WDFY4: variants seen among roughly 807,000 people sequenced by gnomAD.
WDFY4 encodes the protein WDFY family member 4.
Under a neutral mutation model 351.9 loss-of-function variants are expected in WDFY4, and 169 were observed. The observed-to-expected ratio is 0.48, with a 90% CI of 0.42 to 0.55. The LOEUF (loss-of-function observed/expected upper bound fraction) is 0.55, where lower values mean the gene tolerates loss of function less well. Among genes scored for constraint, WDFY4 ranks in the 20% least tolerant of loss-of-function variants. The pLI is 0.00. For missense variants in WDFY4, 3,803 were observed against 3,935.6 expected (o/e 0.97, Z 0.90); for synonymous variants, 1,622 against 1,574.6 (o/e 1.03, Z -0.71).
chr10:48,855,722 G>A (rs1377081710), intron 39 of WDFY4, among the ~76,000 whole-genome samples: 1 of 152,192 alleles, frequency 6.6e-6, no homozygotes, highest in African/African-American at 2.4e-5. Context: ...AATGAGTACA[G>A]TAGTCCCCTC....
chr10:48,960,591 A>G (rs528352551), intron 53 of WDFY4, among the ~76,000 whole-genome samples: 34 of 152,250 alleles, frequency 2.2e-4, no homozygotes, highest in Admixed American at 3.9e-4. Flanking sequence ...GAAAATTGAA[A>G]GCATGTCCAC....
chr10:48,858,903 A>G lies in WDFY4; in HGVS notation c.6664-8362A>G, dbSNP rs540894707. Among the ~76,000 whole-genome samples, 39 of 152,172 alleles carry G rather than the reference A, an allele frequency of 2.6e-4. 1 individual carries two copies. Among genetic ancestry groups the G allele is most frequent in the Non-Finnish European group, 4.3e-4 (29 of 68,004 alleles). ...TCATCTGCATTTCATAGTTTTCAAC[A>G]TATGCATCCTATATGTGTTTTATTA... On this transcript the variant is annotated intron_variant, in intron 39 of 61. Transcript: ENST00000325239.
chr10:48,889,819 A>G (rs1317298242), intron 43 of WDFY4, among the ~76,000 whole-genome samples: 1 of 152,242 alleles, frequency 6.6e-6, no homozygotes, highest in East Asian at 1.9e-4. Flanking sequence ...CAAAGACTTC[A>G]GCTGATTCCA....
chr10:48,796,739 A>C (rs962534660), intron 24 of WDFY4, among the ~76,000 whole-genome samples: 1 of 152,210 alleles, frequency 6.6e-6, no homozygotes, highest in African/African-American at 2.4e-5. Context: ...TAAGCCAGAT[A>C]GTATCTGGGA....
At chr10:48,947,138 C>G (rs1371638081) in intron 51 of WDFY4, among the ~76,000 whole-genome samples, 169 bp downstream of exon 51, 1 of 152,162 alleles carries the variant, frequency 6.6e-6, no homozygotes, top group Non-Finnish European at 1.5e-5. Context: ...TCTGGCTCAC[C>G]AGCCAAGGCA....
chr10:48,713,456 G>A (rs546336712), intron 2 of WDFY4, among the ~76,000 whole-genome samples: 3 of 152,204 alleles, frequency 2.0e-5, no homozygotes, highest in Non-Finnish European at 4.4e-5. Context: ...TGCAGTAACT[G>A]CTAGGCAAGT....
At chr10:48,978,447 C>T in intron 60 of WDFY4, 54 bp downstream of exon 60, 3 of 1,469,618 alleles carry the variant, frequency 2.0e-6, no homozygotes, top group Non-Finnish European at 2.7e-6. Context: ...CCCTCCTCAC[C>T]TCCCCTCTCT....
At chr10:48,917,569 G>A (rs1194985029) in intron 47 of WDFY4, among the ~76,000 whole-genome samples, 1 of 152,210 alleles carries the variant, frequency 6.6e-6, no homozygotes, top group African/African-American at 2.4e-5. Context: ...GAAACCACAG[G>A]GGCCAGAGGT....
chr10:48,695,867 A>G (rs141692439), intron 1 of WDFY4, among the ~76,000 whole-genome samples: 1 of 152,278 alleles, frequency 6.6e-6, no homozygotes, highest in East Asian at 1.9e-4. Context: ...ATACCGAGAT[A>G]CAGAACCAGC....
chr10:48,848,270 T>C (rs1255549527), intron 39 of WDFY4, among the ~76,000 whole-genome samples: 2 of 152,220 alleles, frequency 1.3e-5, no homozygotes, highest in Non-Finnish European at 2.9e-5. Flanking sequence ...AGGGACAGCA[T>C]TTCATCTCCT....
intron 43 of WDFY4, among the ~76,000 whole-genome samples, chr10:48,886,012 G>T (rs758445884): frequency 4.6e-5 from 7 of 152,140 alleles, no homozygotes; most frequent in Admixed American, 3.9e-4. Context: ...CAAGGTTGAG[G>T]CAAGCAGAGA....
chr10:48,959,647 A>G, intron 52 of WDFY4, 75 bp from the exon 53 acceptor site: 2 of 1,318,884 alleles, frequency 1.5e-6, no homozygotes, highest in South Asian at 2.5e-5. Context: ...ATCCTGGGCA[A>G]TGTGTATTTT....
intron 1 of WDFY4, among the ~76,000 whole-genome samples, chr10:48,685,511 G>C (rs547486574): frequency 6.6e-6 from 1 of 152,206 alleles, no homozygotes; most frequent in Non-Finnish European, 1.5e-5. Context: ...TCCCGGCCCT[G>C]TCATTACTCC....
rs1347175943 is a variant in WDFY4, at chr10:48,709,744, A to G, written c.12A>G (p.Glu4=). Reference sequence around the variant, plus strand: ...TGCTTTGCCACGGCATGGAGGCAGAAGATCTTTCAAAGGCTGAAGACAGAA... The same window carrying G: ...TGCTTTGCCACGGCATGGAGGCAGAGGATCTTTCAAAGGCTGAAGACAGAA... The part of the protein sequence containing the change: MEA[E]DLSKAEDRNE... Residue 4 remains glutamate, a synonymous_variant, in exon 2 of 62, where the codon GAA becomes GAG. Transcript: ENST00000325239. The G allele has an allele frequency of 7.7e-6, 12 of 1,551,956 alleles. No homozygotes were observed. The highest frequency in any genetic ancestry group is 1.7e-4 in the Middle Eastern group (1 of 6,018).
chr10:48,832,819 CT>C, intron 39 of WDFY4, 110 bp downstream of exon 39: 2 of 1,351,476 alleles, frequency 1.5e-6, no homozygotes, highest in Non-Finnish European at 1.9e-6. Flanking sequence ...ACTCCACGTC[CT>C]TGTGAGCATT....
rs1841038312 is a variant in WDFY4, at chr10:48,946,248, C to CTA, written c.7867+92_7867+93dup. 1.6e-5 allele frequency: 16 copies of CTA among 1,014,944 alleles called. No homozygotes were observed. The South Asian group carries it at 1.9e-4, about 12-fold the overall frequency. 62.9% of individuals were successfully genotyped at this position (1,014,944 alleles called of 1,614,324 possible). A position where few individuals can be genotyped will look rare whatever the true frequency, so the allele number is the denominator to read the frequency against. ...ATAACAATTAAGGTGGTCACCTAGC[C>CTA]TACAAGTAATTGCATTTGAATAGAG... On this transcript the variant is annotated intron_variant, in intron 50 of 61. Transcript: ENST00000325239.
intron 2 of WDFY4, among the ~76,000 whole-genome samples, chr10:48,710,382 C>T (rs1871608): frequency 0.64 from 96,840 of 152,016 alleles, 31,561 homozygotes; most frequent in East Asian, 0.91. Flanking sequence ...GACACCATTA[C>T]CTTAGAGATT....
At chr10:48,941,438 A>C (rs183081619) in intron 47 of WDFY4, among the ~76,000 whole-genome samples, 2 of 152,318 alleles carry the variant, frequency 1.3e-5, no homozygotes, top group African/African-American at 4.8e-5. Context: ...ATCCACGAGC[A>C]AAACAAGGGG....
intron 1 of WDFY4, among the ~76,000 whole-genome samples, chr10:48,694,507 G>A (rs1227732886): frequency 3.3e-5 from 5 of 151,048 alleles, no homozygotes; most frequent in Admixed American, 6.6e-5. Flanking sequence ...CCCTTTACCC[G>A]TCTCCTCTCC....
Sources: allele counts gnomAD v4.1 joint callset (sites outside exome capture counted in the v4.1 genomes callset), GRCh38; gene constraint gnomAD v4.1.1; transcripts MANE v1.5; gene names NCBI Gene and HGNC (gene_info 2026-07-23, HGNC 2026-07-21).